LRRD1: variants seen among roughly 807,000 people sequenced by gnomAD.
LRRD1 encodes leucine rich repeats and death domain containing 1, also known as leucine-rich repeat and death domain-containing protein 1.
In LRRD1, 49 loss-of-function variants were observed where a neutral mutation model predicts 69.5. The observed-to-expected ratio is 0.70, with a 90% CI of 0.56 to 0.89. The LOEUF (loss-of-function observed/expected upper bound fraction) is 0.89, where lower values mean the gene tolerates loss of function less well. Among genes scored for constraint, LRRD1 ranks in the 40% least tolerant of loss-of-function variants. LRRD1 has a pLI of 0.00. For missense variants in LRRD1, 853 were observed against 956.0 expected (o/e 0.89, Z 1.42); for synonymous variants, 303 against 338.9 (o/e 0.89, Z 1.16).
chr7:92,158,959 A>C, intron 3 of LRRD1, 46 bp downstream of exon 3: 4 of 1,467,536 alleles, frequency 2.7e-6, no homozygotes, highest in South Asian at 1.3e-5. Context: ...TCAGACATTA[A>C]TACTCTACTT....
intron 2 of LRRD1, 129 bp from the exon 3 acceptor site, chr7:92,159,332 T>C: frequency 1.6e-6 from 1 of 643,940 alleles, no homozygotes; most frequent in African/African-American, 1.9e-5. Flanking sequence ...GATTTTTTAT[T>C]ATGTCACAAA....
Position 92,165,094 on chromosome 7 carries a change from A to T in LRRD1, c.109T>A (p.Ser37Thr). 6.4e-7 allele frequency: 1 copy of T among 1,551,484 alleles called. No individual in the cohort carries two copies. Among genetic ancestry groups the T allele is most frequent in the South Asian group, 1.2e-5 (1 of 84,044 alleles). ...TCAGAAGCTTCGTTTATCAAATTTG[A>T]TGTTTCTTTAATAAAGCCAGGCTCC... Reference protein sequence around the residue: ...MKEPGFIKETSNLINEASDYL... With the variant: ...MKEPGFIKETTNLINEASDYL... Residue 37 changes from serine to threonine, a missense_variant, in exon 2 of 6, where the codon TCA (serine) becomes ACA (threonine). Physicochemically the swap from Ser to Thr is moderately conservative, Grantham distance 58 (BLOSUM62 1). This residue lies in a region of LRRD1 where 99 missense variants were observed against 107.0 expected (regional missense o/e 0.92). Coordinates refer to ENST00000458448, the MANE Select transcript of LRRD1 (RefSeq NM_001161528.2).
At chr7:92,148,476 T>G (rs1584649925) in intron 4 of LRRD1, among the ~76,000 whole-genome samples, 2 of 47,510 alleles carry the variant, frequency 4.2e-5, no homozygotes, top group African/African-American at 3.7e-4. Flanking sequence ...CATGCTATGA[T>G]ATATATATAT....
At chr7:92,145,553 C>T (rs1440853055) in intron 5 of LRRD1, among the ~76,000 whole-genome samples, 1 of 151,708 alleles carries the variant, frequency 6.6e-6, no homozygotes, top group African/African-American at 2.4e-5. Context: ...CATTCTCCTG[C>T]CTCAGCCTCC....
Position 92,170,732 on chromosome 7 carries a change from G to A in LRRD1, c.-74-5456C>T, listed in dbSNP as rs372589616. ...CATTTACAGAACACTTCACCTAATC[G>A]CTGCACAATACACATTCTTTTCATT... On this transcript the variant is annotated intron_variant, in intron 1 of 5. Transcript: ENST00000458448. Among the ~76,000 whole-genome samples, 63 of 152,256 alleles carry A rather than the reference G, an allele frequency of 4.1e-4. 1 individual carries two copies. The highest frequency in any genetic ancestry group is 2.5e-3 in the South Asian group (12 of 4,826).
At chr7:92,149,083 A>G (rs576305072) in intron 4 of LRRD1, among the ~76,000 whole-genome samples, 2 of 152,282 alleles carry the variant, frequency 1.3e-5, no homozygotes, top group East Asian at 1.9e-4. Context: ...AAGACAATCA[A>G]CTTGCACAGT....
At chr7:92,142,191 C>A (rs28522116), downstream of LRRD1, 1 of 264,210 alleles carries the variant, frequency 3.8e-6, no homozygotes, top group African/African-American at 2.2e-5. Context: ...ATCTGCCCGT[C>A]TCAGCCTCCC....
rs185862201 is a variant in LRRD1, at chr7:92,151,181, G to A, written c.2117-486C>T. Among the ~76,000 whole-genome samples, 243 of 152,152 alleles carry A rather than the reference G, an allele frequency of 1.6e-3. 1 individual carries two copies. The highest frequency in any genetic ancestry group is 5.5e-3 in the African/African-American group (227 of 41,494). ...TTTGGATTCATTAGTTTTTCCATCA[G>A]TGTCCTTTTTCTGTTTCAGGAAATC... On this transcript the variant is annotated intron_variant, in intron 3 of 5. Coordinates refer to ENST00000458448, the MANE Select transcript of LRRD1 (RefSeq NM_001161528.2).
At chr7:92,143,664 C>T (rs1409025608), downstream of LRRD1, among the ~76,000 whole-genome samples, 3 of 152,142 alleles carry the variant, frequency 2.0e-5, no homozygotes, top group South Asian at 4.1e-4. Context: ...CGCGCTGGCC[C>T]GCAAGCACCG....
At chr7:92,173,690 C>T (rs1440260963) in intron 1 of LRRD1, among the ~76,000 whole-genome samples, 2 of 151,888 alleles carry the variant, frequency 1.3e-5, no homozygotes, top group African/African-American at 4.8e-5. Flanking sequence ...CGGATGCTGG[C>T]GAGGATGTGA....
Position 92,164,206 on chromosome 7 carries a change from TTAAAAGTGTTTC to T in LRRD1, c.985_996del (p.Glu329_Leu332del). On this transcript the variant is annotated inframe_deletion, in exon 2 of 6. Transcript: ENST00000458448. Reference sequence around the variant, plus strand: ...AGAAAGGTAAGCTTATTGTGATCCATTAAAAGTGTTTCTAAATTTTTAAGCTCTCTAATTTCT... The same window carrying T: ...AGAAAGGTAAGCTTATTGTGATCCATTAAATTTTTAAGCTCTCTAATTTCT... 1 of 1,549,564 alleles carries T rather than the reference TTAAAAGTGTTTC, an allele frequency of 6.5e-7. No homozygotes were observed. Among genetic ancestry groups the T allele is most frequent in the Non-Finnish European group, 8.7e-7 (1 of 1,146,364 alleles).
chr7:92,154,150 A>G (rs1239498481), intron 3 of LRRD1, among the ~76,000 whole-genome samples: 2 of 151,686 alleles, frequency 1.3e-5, no homozygotes, highest in African/African-American at 2.4e-5. Context: ...GAAGTTTCCA[A>G]TTTTGATGAA....
rs1158133162 is a variant in LRRD1, at chr7:92,165,139, A to T, written c.64T>A (p.Ser22Thr). ...GGCTCCTTCATTGACTGTGATCTAG[A>T]TTCTTTCCTAAATTGACTAATAGTA... Reference protein sequence around the residue: ...EDTISQFRKESRSQSMKEPGF... With the variant: ...EDTISQFRKETRSQSMKEPGF... Residue 22 changes from serine to threonine, a missense_variant, in exon 2 of 6, where the codon TCT becomes ACT. This residue lies in a region of LRRD1 where 99 missense variants were observed against 107.0 expected (regional missense o/e 0.92). Coordinates refer to ENST00000458448, the MANE Select transcript of LRRD1 (RefSeq NM_001161528.2). 2 of 1,549,972 alleles carry T rather than the reference A, an allele frequency of 1.3e-6. No individual in the cohort carries two copies. Among genetic ancestry groups the T allele is most frequent in the African/African-American group, 1.4e-5 (1 of 72,842 alleles).
rs371447946 is a variant in LRRD1, at chr7:92,167,852, G to A, written c.-74-2576C>T. On this transcript the variant is annotated intron_variant, in intron 1 of 5. Transcript: ENST00000458448. ...AGATGGCGCCATTGCACTCCAGCCT[G>A]GGCAACACAGCGAGACTCTGTCTCA... Among the ~76,000 whole-genome samples the A allele has an allele frequency of 1.5e-3, 177 of 115,384 alleles. 1 individual carries two copies. The highest frequency in any genetic ancestry group is 7.8e-3 in the Middle Eastern group (1 of 128). 75.7% of individuals were successfully genotyped at this position (115,384 alleles called of 152,430 possible).
chr7:92,147,056 T>C (rs1240021257), intron 4 of LRRD1, among the ~76,000 whole-genome samples: 1 of 148,054 alleles, frequency 6.8e-6, no homozygotes, highest in African/African-American at 2.5e-5. Context: ...GAAAAGAATA[T>C]TTATAAGCAA....
At chr7:92,158,224 T>A (rs975905879) in intron 3 of LRRD1, among the ~76,000 whole-genome samples, 1 of 152,016 alleles carries the variant, frequency 6.6e-6, no homozygotes, top group African/African-American at 2.4e-5. Flanking sequence ...GCATGGTGGC[T>A]CACCCCTATA....
chr7:92,166,997 T>C (rs1484936282), intron 1 of LRRD1, among the ~76,000 whole-genome samples: 1 of 152,108 alleles, frequency 6.6e-6, no homozygotes, highest in Non-Finnish European at 1.5e-5. Flanking sequence ...ATAATATATA[T>C]GTAGAAAATC....
At position 92,163,835 on chromosome 7, in the gene LRRD1, A is replaced by T. The variant is rs1367754844; in HGVS notation, c.1368T>A (p.Val456=). 10 of 1,501,792 alleles carry T rather than the reference A, an allele frequency of 6.7e-6. No individual in the cohort carries two copies. In the East Asian group the frequency reaches 2.0e-4, roughly 30 times the overall value. 93.0% of individuals were successfully genotyped at this position (1,501,792 alleles called of 1,614,324 possible). A position where few individuals can be genotyped will look rare whatever the true frequency, so the allele number is the denominator to read the frequency against. ...TTTGGCAGTTTTTTATTTCAATGGGAACATCTGTGATTATGTTTCCTGAAA... is the reference window on the plus strand; with the variant it reads ...TTTGGCAGTTTTTTATTTCAATGGGTACATCTGTGATTATGTTTCCTGAAA... ...LEFSGNIITD[V]PIEIKNCQKI... is the part of the protein sequence containing the mutation. The change falls in exon 2 of 6, where the codon GTT becomes GTA. Residue 456 remains valine, a synonymous_variant. Coordinates refer to ENST00000458448, the MANE Select transcript of LRRD1 (RefSeq NM_001161528.2).
rs1274111523 is a variant in LRRD1, at chr7:92,154,395, A to T, written c.2117-3700T>A. Among the ~76,000 whole-genome samples, 3 of 151,896 alleles carry T rather than the reference A, an allele frequency of 2.0e-5. No homozygotes were observed. In the South Asian group the frequency reaches 6.2e-4, roughly 32 times the overall value. On this transcript the variant is annotated intron_variant, in intron 3 of 5. Coordinates refer to ENST00000458448, the MANE Select transcript of LRRD1 (RefSeq NM_001161528.2). ...GCTGGGACTACAGGAGTGCACCACC[A>T]TGCCCAGCTCATTTTTTTGTATTTT... is the stretch of plus-strand genomic sequence containing the variant.
Sources: gnomAD v4.1 joint callset for allele counts (sites outside exome capture counted in the v4.1 genomes callset) on GRCh38, gnomAD v4.1.1 for gene constraint, gnomAD v4.1.1 regional missense constraint, MANE v1.5 for transcripts, NCBI Gene and HGNC (gene_info 2026-07-23, HGNC 2026-07-21) for gene names.